Variants in FGF12 observed in about 807,000 individuals in gnomAD.
FGF12 encodes the protein fibroblast growth factor 12B.
FGF12 carries 14 observed loss-of-function variants against 23.6 expected under a neutral mutation model. That is an observed-to-expected ratio of 0.59 (90% CI 0.39 to 0.93). The LOEUF (loss-of-function observed/expected upper bound fraction) is 0.93. Ranked by LOEUF, FGF12 falls within the 40% of genes least tolerant of loss-of-function variation. The pLI, the probability that FGF12 is intolerant of heterozygous loss-of-function variation, is 0.00. For missense variants in FGF12, 175 were observed against 217.8 expected, an observed-to-expected ratio of 0.80 and a Z score of 1.24; for synonymous variants, 62 against 77.3, an observed-to-expected ratio of 0.80 and a Z score of 1.04.
chr3:192,365,288 A>G (rs1469910415), intron 2 of FGF12, among the ~76,000 whole-genome samples: 2 of 151,760 alleles, frequency 1.3e-5, no homozygotes, highest in African/African-American at 4.8e-5. Context: ...TATCAATGTC[A>G]TTGAAGAAAA....
At chr3:192,323,847 T>C (rs544028695) in intron 4 of FGF12, among the ~76,000 whole-genome samples, 6 of 152,032 alleles carry the variant, frequency 3.9e-5, no homozygotes, top group Non-Finnish European at 8.8e-5. Context: ...TCTTAGCGCT[T>C]TGGGAGGCTG....
chr3:192,627,323 A>G (rs1166471518), intron 2 of FGF12, among the ~76,000 whole-genome samples: 10 of 152,180 alleles, frequency 6.6e-5, no homozygotes, highest in African/African-American at 2.4e-4. Flanking sequence ...TTAATAAAAC[A>G]TATAAAATAC....
At chr3:192,335,278 C>A in intron 4 of FGF12, 83 bp downstream of exon 4, 1 of 880,100 alleles carries the variant, frequency 1.1e-6, no homozygotes, top group Non-Finnish European at 1.8e-6. Flanking sequence ...TTCCAATTTT[C>A]TTGCCTAACA....
chr3:192,645,454 T>C (rs534874821), intron 2 of FGF12, among the ~76,000 whole-genome samples: 16 of 152,196 alleles, frequency 1.1e-4, no homozygotes, highest in Non-Finnish European at 1.8e-4. Flanking sequence ...ATTTCTGGCT[T>C]AGGTAGTAAG....
At chr3:192,266,195 C>T (rs1043280312) in intron 4 of FGF12, among the ~76,000 whole-genome samples, 4 of 152,250 alleles carry the variant, frequency 2.6e-5, no homozygotes, top group African/African-American at 7.2e-5. Context: ...CCACAGCATT[C>T]TGTTTACCAG....
At chr3:192,330,278 AG>A (rs1164224395) in intron 4 of FGF12, among the ~76,000 whole-genome samples, 2 of 152,174 alleles carry the variant, frequency 1.3e-5, no homozygotes, top group Non-Finnish European at 2.9e-5. Context: ...AACCATCTTA[AG>A]AAAAAATAAA....
At chr3:192,423,333 AGT>A (rs1721593241) in intron 2 of FGF12, among the ~76,000 whole-genome samples, 2 of 152,116 alleles carry the variant, frequency 1.3e-5, no homozygotes. Context: ...TTCTTTTTGG[AGT>A]GTTCCATCTT....
intron 2 of FGF12, among the ~76,000 whole-genome samples, chr3:192,580,850 C>T (rs1303332133): frequency 1.3e-5 from 2 of 152,104 alleles, no homozygotes; most frequent in East Asian, 1.9e-4. Context: ...CTGCCTGCCT[C>T]GGCCTCCCAA....
At position 192,333,639 on chromosome 3, in the gene FGF12, G is replaced by T. The variant is rs553110825; in HGVS notation, c.228+1722C>A. ...TATATTTTGATCTGAATATTTTCAG[G>T]AGTAAAAAAAATAATTGTAATACAA... On this transcript the variant is annotated intron_variant, in intron 4 of 5. Transcript: ENST00000445105. 2.0e-5 allele frequency among the ~76,000 whole-genome samples: 3 copies of T among 151,980 alleles called. No individual in the cohort carries two copies. In the East Asian group the frequency reaches 5.8e-4, roughly 29 times the overall value.
At chr3:192,173,707 A>G (rs1373078842) in intron 4 of FGF12, among the ~76,000 whole-genome samples, 1 of 152,188 alleles carries the variant, frequency 6.6e-6, no homozygotes, top group Non-Finnish European at 1.5e-5. Flanking sequence ...GGAACTCTGG[A>G]AAGTTCAAGC....
intron 2 of FGF12, among the ~76,000 whole-genome samples, chr3:192,361,586 A>C (rs1399323675): frequency 6.6e-6 from 1 of 152,212 alleles, no homozygotes. Context: ...AGTCAACTTC[A>C]TCCTTCATCC....
intron 2 of FGF12, among the ~76,000 whole-genome samples, chr3:192,458,909 T>G (rs1202928716): frequency 6.6e-6 from 1 of 152,170 alleles, no homozygotes; most frequent in Non-Finnish European, 1.5e-5. Flanking sequence ...ATTTGAATCA[T>G]GGGGCAGTTT....
chr3:192,618,054 T>C (rs1714829215), intron 2 of FGF12, among the ~76,000 whole-genome samples: 1 of 152,058 alleles, frequency 6.6e-6, no homozygotes, highest in Non-Finnish European at 1.5e-5. Flanking sequence ...AAGGAATGCG[T>C]TAACTTGGAA....
intron 2 of FGF12, among the ~76,000 whole-genome samples, chr3:192,449,606 C>T (rs1722462448): frequency 6.6e-6 from 1 of 152,150 alleles, no homozygotes; most frequent in Non-Finnish European, 1.5e-5. Context: ...CTTCTCTATC[C>T]CTTGGTTCTT....
intron 2 of FGF12, among the ~76,000 whole-genome samples, chr3:192,680,050 CT>C (rs1017498895): frequency 1.3e-5 from 2 of 151,982 alleles, no homozygotes; most frequent in South Asian, 2.1e-4. Flanking sequence ...ATACTAAGGG[CT>C]TTTTTTTCCT....
chr3:192,185,525 TC>T (rs1306677357), intron 4 of FGF12, among the ~76,000 whole-genome samples: 2 of 151,854 alleles, frequency 1.3e-5, no homozygotes, highest in Non-Finnish European at 2.9e-5. Flanking sequence ...GTTTACATTT[TC>T]TTTTTTTTTC....
intron 5 of FGF12, among the ~76,000 whole-genome samples, chr3:192,164,167 T>A (rs1577192014): frequency 6.6e-6 from 1 of 152,138 alleles, no homozygotes; most frequent in South Asian, 2.1e-4. Flanking sequence ...AGTATTTGAC[T>A]GCTATATCTG....
chr3:192,583,665 T>G (rs1212871151), intron 2 of FGF12, among the ~76,000 whole-genome samples: 1 of 152,178 alleles, frequency 6.6e-6, no homozygotes. Flanking sequence ...AAGAGCAACG[T>G]CACAGTCTTG....
At chr3:192,430,147 A>C (rs1433819049) in intron 2 of FGF12, among the ~76,000 whole-genome samples, 1 of 152,176 alleles carries the variant, frequency 6.6e-6, no homozygotes, top group Non-Finnish European at 1.5e-5. Flanking sequence ...GGAAAAATCA[A>C]TAAACCAAAT....
Sources: gnomAD v4.1 joint callset for allele counts (sites outside exome capture counted in the v4.1 genomes callset) on GRCh38, gnomAD v4.1.1 for gene constraint, MANE v1.5 for transcripts, NCBI Gene and HGNC (gene_info 2026-07-23, HGNC 2026-07-21) for gene names.